ZBTB7C: variants seen among roughly 807,000 people sequenced by gnomAD.
ZBTB7C encodes zinc finger and BTB domain-containing protein 7C.
Under a neutral mutation model 25.7 loss-of-function variants are expected in ZBTB7C, and 8 were observed. That is an observed-to-expected ratio of 0.31 (90% CI 0.18 to 0.56). The LOEUF is 0.56. Ranked by LOEUF, ZBTB7C falls within the 20% of genes least tolerant of loss-of-function variation. The pLI is 0.91. For synonymous variants in ZBTB7C, 394 were observed against 369.0 expected (o/e 1.07, Z -0.78); for missense variants, 824 against 855.2 (o/e 0.96, Z 0.46).
chr18:48,180,630 G>A (rs1307642214), intron 3 of ZBTB7C, among the ~76,000 whole-genome samples: 2 of 152,148 alleles, frequency 1.3e-5, no homozygotes, highest in African/African-American at 2.4e-5. Flanking sequence ...CAAGTAAGTG[G>A]GAGGGTAAGG....
In ZBTB7C at chr18:48,040,007, G is replaced by A. The variant is rs757754087; in HGVS notation, c.1101C>T (p.Pro367=). The A allele has an allele frequency of 6.2e-7, 1 of 1,614,116 alleles. No individual in the cohort carries two copies. The highest frequency in any genetic ancestry group is 1.1e-5 in the South Asian group (1 of 91,082). ...KLKPKASQQC[P]ICHKVIMGAG... Reference sequence around the variant, plus strand: ...CCCCCATGATGACTTTGTGGCAGATGGGGCACTGCTGAGAGGCCTTGGGCT... The same window carrying A: ...CCCCCATGATGACTTTGTGGCAGATAGGGCACTGCTGAGAGGCCTTGGGCT... The change falls in exon 4 of 5, where the codon CCC becomes CCT. Residue 367 remains proline (P), a synonymous_variant. Transcript: ENST00000590800.
intron 3 of ZBTB7C, among the ~76,000 whole-genome samples, chr18:48,097,688 C>A (rs747847736): frequency 6.6e-6 from 1 of 152,306 alleles, no homozygotes; most frequent in African/African-American, 2.4e-5. Context: ...CGAGCTACGG[C>A]GCCCAGCGTG....
chr18:48,096,954 T>C (rs2038656596), intron 3 of ZBTB7C, among the ~76,000 whole-genome samples: 1 of 152,242 alleles, frequency 6.6e-6, no homozygotes, highest in Admixed American at 6.5e-5. Flanking sequence ...ATCACCACTA[T>C]TGCTACTGCT....
chr18:48,063,819 A>G (rs2144342148), intron 3 of ZBTB7C, among the ~76,000 whole-genome samples: 1 of 152,268 alleles, frequency 6.6e-6, no homozygotes, highest in Non-Finnish European at 1.5e-5. Context: ...TCCATGGTAG[A>G]AATCATGCCA....
chr18:48,030,661 G>T (rs907053699), intron 4 of ZBTB7C, among the ~76,000 whole-genome samples: 15 of 152,344 alleles, frequency 9.8e-5, no homozygotes, highest in African/African-American at 3.6e-4. Flanking sequence ...TTGGGGGTCT[G>T]GGAGCCTCTG....
upstream of ZBTB7C, among the ~76,000 whole-genome samples, chr18:48,410,350 T>C (rs977802797): frequency 1.3e-5 from 2 of 152,112 alleles, no homozygotes; most frequent in Non-Finnish European, 2.9e-5. Flanking sequence ...GAGCAGCCGC[T>C]GGCCGCCCGT....
intron 2 of ZBTB7C, among the ~76,000 whole-genome samples, chr18:48,277,336 G>A (rs796814019): frequency 4.0e-5 from 6 of 149,356 alleles, no homozygotes; most frequent in African/African-American, 1.5e-4. Context: ...AGTGGGCGAA[G>A]GACATGAACA....
chr18:48,364,442 CAA>C (rs2047179335), intron 1 of ZBTB7C, among the ~76,000 whole-genome samples: 1 of 152,032 alleles, frequency 6.6e-6, no homozygotes, highest in Admixed American at 6.5e-5. Flanking sequence ...TTTGATTATG[CAA>C]AGAGTACAGG....
chr18:48,311,725 T>C (rs112204605), intron 2 of ZBTB7C, among the ~76,000 whole-genome samples: 3 of 152,220 alleles, frequency 2.0e-5, no homozygotes, highest in Non-Finnish European at 2.9e-5. Context: ...CCTAGGACCA[T>C]TGGGGGTCCC....
At chr18:48,251,835 T>C (rs564235518) in intron 2 of ZBTB7C, among the ~76,000 whole-genome samples, 7 of 152,340 alleles carry the variant, frequency 4.6e-5, no homozygotes, top group Admixed American at 2.0e-4. Context: ...CATTTCACCA[T>C]GGAACTGGGA....
Position 48,029,601 on chromosome 18 carries a change from T to A in ZBTB7C, c.1519A>T (p.Met507Leu), listed in dbSNP as rs372944547. 1.3e-6 allele frequency: 2 copies of A among 1,488,318 alleles called. No individual in the cohort carries two copies. The highest frequency in any genetic ancestry group is 2.6e-5 in the Admixed American group (1 of 38,796). 92.2% of individuals were successfully genotyped at this position (1,488,318 alleles called of 1,614,324 possible). The change falls in exon 5 of 5, where the codon ATG becomes TTG. Residue 507 changes from methionine to leucine, a missense_variant. Met to Leu is a conservative substitution (Grantham distance 15, BLOSUM62 2). Coordinates refer to ENST00000590800, the MANE Select transcript of ZBTB7C (RefSeq NM_001318841.2). ...CCCACCTCGCCCAGCGCAGGGGGCA[T>A]CACGAAGGCCGCCTTGTCGGGGGCC... is the stretch of plus-strand genomic sequence containing the variant. ...GPAPDKAAFV[M>L]PPALGEVGGH...
intron 2 of ZBTB7C, among the ~76,000 whole-genome samples, chr18:48,195,308 A>G (rs1395232732): frequency 3.9e-5 from 6 of 152,180 alleles, no homozygotes; most frequent in African/African-American, 1.4e-4. Flanking sequence ...TGCAGCTCCC[A>G]TAATCCCCAC....
intron 3 of ZBTB7C, among the ~76,000 whole-genome samples, chr18:48,175,698 G>A (rs999173905): frequency 3.3e-5 from 5 of 152,170 alleles, no homozygotes; most frequent in African/African-American, 1.2e-4. Flanking sequence ...TGCCAGGGCT[G>A]GTGCAGGGTA....
chr18:48,214,173 A>G (rs886167021), intron 2 of ZBTB7C, among the ~76,000 whole-genome samples: 1 of 152,228 alleles, frequency 6.6e-6, no homozygotes, highest in Admixed American at 6.5e-5. Context: ...AATTATTTTA[A>G]GTGTACAGTT....
chr18:48,235,648 T>C (rs1409869735), intron 2 of ZBTB7C, among the ~76,000 whole-genome samples: 4 of 152,202 alleles, frequency 2.6e-5, no homozygotes, highest in African/African-American at 9.6e-5. Context: ...TTGGTGACTC[T>C]CCTTTAGTGT....
At chr18:48,156,177 G>T (rs77585616) in intron 3 of ZBTB7C, among the ~76,000 whole-genome samples, 2,898 of 152,280 alleles carry the variant, frequency 0.019, 94 homozygotes, top group African/African-American at 0.067. Flanking sequence ...GAAAAATGGG[G>T]CAAAGGAAAA....
At chr18:48,137,655 C>CA (rs1006240393) in intron 3 of ZBTB7C, among the ~76,000 whole-genome samples, 6 of 152,040 alleles carry the variant, frequency 3.9e-5, no homozygotes, top group Admixed American at 2.0e-4. Flanking sequence ...CTTTAAGTAA[C>CA]AAAAAAAAGA....
At chr18:48,066,608 C>T (rs1014579525) in intron 3 of ZBTB7C, among the ~76,000 whole-genome samples, 4 of 152,132 alleles carry the variant, frequency 2.6e-5, no homozygotes, top group African/African-American at 9.7e-5. Flanking sequence ...CCCAACTCTC[C>T]CCTCTACTTA....
chr18:48,157,322 A>G (rs2040869027), intron 3 of ZBTB7C, among the ~76,000 whole-genome samples: 1 of 152,200 alleles, frequency 6.6e-6, no homozygotes, highest in Non-Finnish European at 1.5e-5. Context: ...GCCATGGGGA[A>G]AGGGGTCCAG....
Sources: allele counts gnomAD v4.1 joint callset (sites outside exome capture counted in the v4.1 genomes callset), GRCh38; gene constraint gnomAD v4.1.1; transcripts MANE v1.5; gene names NCBI Gene and HGNC (gene_info 2026-07-23, HGNC 2026-07-21).